MEIS3: variants seen among roughly 807,000 people sequenced by gnomAD.
MEIS3 encodes the protein Meis homeobox 3.
Under a neutral mutation model 51.4 loss-of-function variants are expected in MEIS3, and 38 were observed. The observed-to-expected ratio is 0.74, with a 90% CI of 0.57 to 0.97. MEIS3 has a LOEUF of 0.97. Ranked by LOEUF, MEIS3 falls within the 50% of genes least tolerant of loss-of-function variation. The pLI is 0.00. For synonymous variants in MEIS3, 198 were observed against 201.8 expected (o/e 0.98, Z 0.16); for missense variants, 456 against 502.6 (o/e 0.91, Z 0.89).
chr19:47,420,975 T>TCTCTCTCCC (rs1568434395), upstream of MEIS3, among the ~76,000 whole-genome samples: 6 of 79,180 alleles, frequency 7.6e-5, no homozygotes, highest in South Asian at 4.8e-4. Flanking sequence ...CTCTCTCTCT[T>TCTCTCTCCC]CCTGGCTGTC....
At chr19:47,418,974 G>C (rs1373736112) in intron 1 of MEIS3, 96 bp downstream of exon 1, 5 of 783,212 alleles carry the variant, frequency 6.4e-6, no homozygotes, top group African/African-American at 1.8e-5. Flanking sequence ...TGTAGAGGAC[G>C]GATGGGCTAA....
intron 1 of MEIS3, chr19:47,418,254 A>T (rs1031856255): frequency 2.0e-5 from 3 of 153,570 alleles, no homozygotes; most frequent in African/African-American, 7.3e-5. Flanking sequence ...AGGCAGCAGG[A>T]CTCGCACGGG....
In MEIS3 at chr19:47,414,714, C is replaced by T; in HGVS notation, c.597+3G>A. ...CGATGCCTGGTGCCCGTCCCGGGCCCACCTGGTCTGGGAGGCTGGGGCAGG... is the reference window on the plus strand; with the variant it reads ...CGATGCCTGGTGCCCGTCCCGGGCCTACCTGGTCTGGGAGGCTGGGGCAGG... On this transcript the variant is annotated splice_donor_region_variant and intron_variant, in intron 6 of 12. Transcript: ENST00000558555. 1.3e-6 allele frequency: 2 copies of T among 1,592,920 alleles called. No homozygotes were observed. Among genetic ancestry groups the T allele is most frequent in the African/African-American group, 1.3e-5 (1 of 74,672 alleles).
At position 47,407,112 on chromosome 19, in the gene MEIS3, C is replaced by A. The variant is rs533360060; in HGVS notation, c.961G>T (p.Val321Leu). ...NWFINARRRI[V>L]QPMIDQSNRT... ...TTGGATTGATCGATCATAGGTTGCACGATGCGTCTCCGGGCGTTAATGAAC... is the reference window on the plus strand; with the variant it reads ...TTGGATTGATCGATCATAGGTTGCAAGATGCGTCTCCGGGCGTTAATGAAC... Residue 321 changes from valine to leucine, a missense_variant, in exon 10 of 13, where the codon GTG becomes TTG. Physicochemically the swap from Val to Leu is conservative, Grantham distance 32. Transcript: ENST00000558555. The A allele has an allele frequency of 5.0e-6, 8 of 1,610,974 alleles. No individual in the cohort carries two copies. The highest frequency in any genetic ancestry group is 6.8e-6 in the Non-Finnish European group (8 of 1,178,972).
At chr19:47,418,995 C>T in intron 1 of MEIS3, 75 bp downstream of exon 1, 1 of 1,034,486 alleles carries the variant, frequency 9.7e-7, no homozygotes, top group Non-Finnish European at 1.2e-6. Context: ...TGGGGGCCAG[C>T]GCCGGAGAGT....
Position 47,419,149 on chromosome 19 carries a change from G to A in MEIS3, c.-68C>T, listed in dbSNP as rs1971606481. The A allele has an allele frequency of 8.4e-7, 1 of 1,187,580 alleles. No homozygotes were observed. Among genetic ancestry groups the A allele is most frequent in the African/African-American group, 1.6e-5 (1 of 63,510 alleles). 73.6% of individuals were successfully genotyped at this position (1,187,580 alleles called of 1,614,324 possible). A position where few individuals can be genotyped will look rare whatever the true frequency, so the allele number is the denominator to read the frequency against. On this transcript the variant is annotated 5_prime_UTR_variant, in exon 1 of 13. Coordinates refer to ENST00000558555, the MANE Select transcript of MEIS3 (RefSeq NM_001301059.2). ...GCCGCGGGGGAGGGCGCAGCCCGGG[G>A]CCGCAGCCCCTGACGGCCCGCGGTG...
In MEIS3 at chr19:47,415,571, CTCTT is replaced by C. The variant is rs1197119237; in HGVS notation, c.397-474_397-471del. 3.7e-3 allele frequency among the ~76,000 whole-genome samples: 455 copies of C among 122,130 alleles called. 2 individuals carry two copies. The highest frequency in any genetic ancestry group is 6.2e-3 in the Non-Finnish European group (369 of 59,464). The allele number at this position is 122,130 out of a possible 152,430, so 80.1% of individuals were successfully genotyped here. A position where few individuals can be genotyped will look rare whatever the true frequency, so the allele number is the denominator to read the frequency against. On this transcript the variant is annotated intron_variant, in intron 4 of 12. Coordinates refer to ENST00000558555, the MANE Select transcript of MEIS3 (RefSeq NM_001301059.2). ...CCTCCCTCCTTTCTTCTCTCTCTCT[CTCTT>C]TTTTTTTTTTTTTTTTGATATGGAG...
intron 1 of MEIS3, chr19:47,417,931 A>G: frequency 3.5e-6 from 2 of 563,992 alleles, no homozygotes; most frequent in Middle Eastern, 4.6e-4. Flanking sequence ...CCCCACACAC[A>G]CATGCACACA....
chr19:47,411,208 T>TATCCAA (rs1336062923), intron 6 of MEIS3, among the ~76,000 whole-genome samples: 1 of 152,142 alleles, frequency 6.6e-6, no homozygotes, highest in Admixed American at 6.5e-5. Flanking sequence ...AAGTCTTGGA[T>TATCCAA]AACAGGCGTG....
At chr19:47,421,316 G>C (rs764691563), upstream of MEIS3, among the ~76,000 whole-genome samples, 31 of 152,132 alleles carry the variant, frequency 2.0e-4, no homozygotes, top group Non-Finnish European at 3.7e-4. Flanking sequence ...AGCACGGGCT[G>C]GGCGATCTCT....
At chr19:47,406,018 G>A (rs535388637) in intron 12 of MEIS3, 2 of 155,536 alleles carry the variant, frequency 1.3e-5, no homozygotes, top group East Asian at 3.8e-4. Context: ...GGGTAGGGAG[G>A]TGGGTGAATG....
chr19:47,420,586 TGAGACA>T (rs1971671465), upstream of MEIS3, among the ~76,000 whole-genome samples: 1 of 62,346 alleles, frequency 1.6e-5, no homozygotes, highest in South Asian at 3.4e-4. Flanking sequence ...GCAGACAGAG[TGAGACA>T]GACAGGAGGG....
chr19:47,413,090 G>A (rs780290145), intron 6 of MEIS3, among the ~76,000 whole-genome samples: 1 of 151,810 alleles, frequency 6.6e-6, no homozygotes, highest in African/African-American at 2.4e-5. Flanking sequence ...ATTCCTGTGC[G>A]AGTGGGTATA....
Position 47,405,442 on chromosome 19 carries a change from G to A in MEIS3, c.*17+1018C>T, listed in dbSNP as rs111875863. On this transcript the variant is annotated intron_variant, in intron 12 of 12. Transcript: ENST00000558555. The stretch of plus-strand genomic sequence containing the variant: ...TGACTCCCTCCTATGGGGAAACTAC[G>A]TTTTATTGTTTGAACTGTTACACTG... Among the ~76,000 whole-genome samples the A allele has an allele frequency of 3.3e-5, 5 of 152,198 alleles. 1 individual carries two copies. Among genetic ancestry groups the A allele is most frequent in the East Asian group, 1.9e-4 (1 of 5,176 alleles).
chr19:47,420,967 CTCTCTCTT>C (rs796640570), upstream of MEIS3, among the ~76,000 whole-genome samples: 54 of 145,264 alleles, frequency 3.7e-4, 1 homozygote, highest in South Asian at 8.9e-4. Context: ...CTCTCTCTCT[CTCTCTCTT>C]CCTGGCTGTC....
At chr19:47,412,230 C>T (rs1408947461) in intron 6 of MEIS3, 1 of 152,216 alleles carries the variant, frequency 6.6e-6, no homozygotes, top group Non-Finnish European at 1.5e-5. Context: ...AGGAGGTCAG[C>T]TCACCCATAT....
upstream of MEIS3, among the ~76,000 whole-genome samples, chr19:47,420,087 C>T (rs886172549): frequency 6.6e-6 from 1 of 152,160 alleles, no homozygotes; most frequent in Admixed American, 6.5e-5. Context: ...CGGGCTCTGC[C>T]CCCGTGGCTG....
At chr19:47,404,833 G>A (rs1435603223) in intron 12 of MEIS3, among the ~76,000 whole-genome samples, 1 of 152,226 alleles carries the variant, frequency 6.6e-6, no homozygotes, top group African/African-American at 2.4e-5. Flanking sequence ...CTGGGGATGG[G>A]TCTGTCCCCT....
At position 47,416,854 on chromosome 19, in the gene MEIS3, C is replaced by A; in HGVS notation, c.295G>T (p.Val99Phe). Reference sequence around the variant, plus strand: ...TCGTTGAAGGAATCAGAGGAGCAGACGTCACCTCCAGGGGGTGTCCCCAGC... The same window carrying A: ...TCGTTGAAGGAATCAGAGGAGCAGAAGTCACCTCCAGGGGGTGTCCCCAGC... ...AGLGTPPGGD[V>F]CSSDSFNEDI... The change falls in exon 3 of 13, where the codon GTC becomes TTC. Residue 99 changes from valine to phenylalanine, a missense_variant. Val to Phe is a conservative substitution (Grantham distance 50). Coordinates refer to ENST00000558555, the MANE Select transcript of MEIS3 (RefSeq NM_001301059.2). The A allele has an allele frequency of 6.2e-7, 1 of 1,614,016 alleles. No homozygotes were observed. Among genetic ancestry groups the A allele is most frequent in the Non-Finnish European group, 8.5e-7 (1 of 1,179,990 alleles).
Sources: allele counts gnomAD v4.1 joint callset (sites outside exome capture counted in the v4.1 genomes callset), GRCh38; gene constraint gnomAD v4.1.1; transcripts MANE v1.5; gene names NCBI Gene and HGNC (gene_info 2026-07-23, HGNC 2026-07-21).